The following C2CD3 variants were observed in gnomAD, a reference collection of about 807,000 sequenced individuals.
The protein encoded by C2CD3 is C2 domain containing 3 centriole elongation regulator.
A neutral mutation model predicts 234.0 loss-of-function variants in C2CD3; 148 were observed. The ratio of observed to expected loss-of-function variants is 0.63; its 90% confidence interval spans 0.55 to 0.72. The LOEUF is 0.72. Ranked by LOEUF, C2CD3 falls within the 30% of genes least tolerant of loss-of-function variation. The pLI, the probability that C2CD3 is intolerant of heterozygous loss-of-function variation, is 0.00. For synonymous variants in C2CD3, 1,000 were observed against 1,035.4 expected (o/e 0.97, Z 0.66); for missense variants, 2,577 against 2,811.5 (o/e 0.92, Z 1.89).
intron 3 of C2CD3, among the ~76,000 whole-genome samples, chr11:74,147,451 A>C (rs967273019): frequency 2.6e-5 from 4 of 152,120 alleles, no homozygotes; most frequent in Admixed American, 6.6e-5. Flanking sequence ...CAACGACAAC[A>C]CCCCTGAAAA....
chr11:74,101,362 G>T (rs1956309416), intron 14 of C2CD3, among the ~76,000 whole-genome samples: 1 of 152,134 alleles, frequency 6.6e-6, no homozygotes, highest in Non-Finnish European at 1.5e-5. Context: ...AACAGTAGAA[G>T]GTCAATAAGC....
At chr11:74,119,009 A>C (rs1316785569) in intron 8 of C2CD3, among the ~76,000 whole-genome samples, 1 of 149,954 alleles carries the variant, frequency 6.7e-6, no homozygotes, top group Non-Finnish European at 1.5e-5. Context: ...CCTGGGGCTC[A>C]TGTGATCCTC....
chr11:74,161,969 CCA>C (rs1349992022), intron 2 of C2CD3, among the ~76,000 whole-genome samples: 2 of 152,002 alleles, frequency 1.3e-5, no homozygotes, highest in Non-Finnish European at 2.9e-5. Flanking sequence ...GCACACGCCA[CCA>C]CACTGGGGTA....
rs1369144994 is a variant in C2CD3 at position 74,170,938 on chromosome 11, T to C, written c.-146A>G. 6.7e-6 allele frequency: 10 copies of C among 1,503,162 alleles called. No individual in the cohort carries two copies. Among genetic ancestry groups the C allele is most frequent in the East Asian group, 2.4e-5 (1 of 41,012 alleles). The allele number at this position is 1,503,162 out of a possible 1,614,324, so 93.1% of individuals were successfully genotyped here. A position where few individuals can be genotyped will look rare whatever the true frequency, so the allele number is the denominator to read the frequency against. On this transcript the variant is annotated 5_prime_UTR_variant, in exon 1 of 33. Transcript: ENST00000334126. ...GGAGGCAGGAAAAAGCGACTCTTCC[T>C]CTAACAGTCTCCGGAAAACGGTGCG...
At chr11:74,060,409 G>C (rs1250465704) in intron 24 of C2CD3, among the ~76,000 whole-genome samples, 3 of 152,194 alleles carry the variant, frequency 2.0e-5, no homozygotes, top group Admixed American at 6.5e-5. Context: ...GTTCCCCTTT[G>C]AGACGAAGCT....
intron 32 of C2CD3, among the ~76,000 whole-genome samples, chr11:74,025,954 G>C (rs1401896143): frequency 1.3e-5 from 2 of 152,164 alleles, no homozygotes; most frequent in Non-Finnish European, 2.9e-5. Flanking sequence ...TGATGGGTGT[G>C]TGTGGGAAAT....
In C2CD3 at chr11:74,074,233, G is replaced by A. The variant is rs553215799; in HGVS notation, c.4951+20C>T. On this transcript the variant is annotated intron_variant, in intron 24 of 32. Coordinates refer to ENST00000334126, the MANE Select transcript of C2CD3 (RefSeq NM_001286577.2). ...CCCTGAAGAGTTAGACATGCTCCTG[G>A]GTAGGTGAGGAGAGCATACCTTTCA... is the stretch of plus-strand genomic sequence containing the variant. The A allele has an allele frequency of 6.4e-7, 1 of 1,551,250 alleles. No individual in the cohort carries two copies. The highest frequency in any genetic ancestry group is 1.1e-5 in the South Asian group (1 of 87,412).
rs1253014392 is a variant in C2CD3 at position 74,034,480 on chromosome 11, GA to G, written c.5882-203del. 4 of 1,574,114 alleles carry G rather than the reference GA, an allele frequency of 2.5e-6. No homozygotes were observed. In the Admixed American group the frequency reaches 7.4e-5, roughly 29 times the overall value. ...ACTTTATTCTAATATCAGAGGACCA[GA>G]ATCTAATCTATAGTTGTGGATACAT... On this transcript the variant is annotated intron_variant, in intron 30 of 32. Coordinates refer to ENST00000334126, the MANE Select transcript of C2CD3 (RefSeq NM_001286577.2).
At chr11:74,086,153 C>G (rs536900126) in intron 20 of C2CD3, among the ~76,000 whole-genome samples, 87 of 152,264 alleles carry the variant, frequency 5.7e-4, no homozygotes, top group African/African-American at 1.8e-3. Flanking sequence ...GCTCTTAAGT[C>G]AAGGACCACA....
chr11:74,131,728 C>T (rs917882975), intron 7 of C2CD3, among the ~76,000 whole-genome samples: 11 of 151,922 alleles, frequency 7.2e-5, no homozygotes, highest in Admixed American at 1.3e-4. Context: ...TGCACCACCA[C>T]GCCTGGCTCA....
At chr11:74,095,565 C>G (rs532791049) in intron 16 of C2CD3, among the ~76,000 whole-genome samples, 157 bp from the exon 17 acceptor site, 13 of 152,330 alleles carry the variant, frequency 8.5e-5, no homozygotes, top group Non-Finnish European at 1.9e-4. Context: ...CACAACTACT[C>G]ACTGTAAGTA....
rs961625183 is a variant in C2CD3 at position 74,139,467 on chromosome 11, T to G, written c.707+138A>C. On this transcript the variant is annotated intron_variant, in intron 4 of 32. Transcript: ENST00000334126. Reference sequence around the variant, plus strand: ...AGTATCAAACCAGGACCAGAGTGGGTGCTTCACAGTTATCTGCTAAATGAG... The same window carrying G: ...AGTATCAAACCAGGACCAGAGTGGGGGCTTCACAGTTATCTGCTAAATGAG... The G allele has an allele frequency of 1.7e-5, 12 of 725,518 alleles. No homozygotes were observed. In the African/African-American group the frequency reaches 1.9e-4, roughly 12 times the overall value. 44.9% of individuals were successfully genotyped at this position (725,518 alleles called of 1,614,324 possible). A position where few individuals can be genotyped will look rare whatever the true frequency, so the allele number is the denominator to read the frequency against.
At chr11:74,024,711 T>TG (rs1952220561) in intron 32 of C2CD3, among the ~76,000 whole-genome samples, 1 of 152,240 alleles carries the variant, frequency 6.6e-6, no homozygotes. Flanking sequence ...TATCTCTACT[T>TG]GCTAGTGTCC....
At chr11:74,041,247 A>G (rs933228058) in intron 29 of C2CD3, among the ~76,000 whole-genome samples, 1 of 152,146 alleles carries the variant, frequency 6.6e-6, no homozygotes, top group African/African-American at 2.4e-5. Context: ...GACCTTCATG[A>G]TGTGACTCTT....
chr11:74,086,862 C>T (rs866650), intron 20 of C2CD3, among the ~76,000 whole-genome samples: 3 of 151,900 alleles, frequency 2.0e-5, no homozygotes, highest in Admixed American at 2.0e-4. Flanking sequence ...CTAAAGTAGA[C>T]TTCTGGGTTC....
At chr11:74,061,497 C>T (rs1427170078) in intron 24 of C2CD3, among the ~76,000 whole-genome samples, 1 of 152,194 alleles carries the variant, frequency 6.6e-6, no homozygotes, top group Non-Finnish European at 1.5e-5. Flanking sequence ...AAAGAATTTT[C>T]AACCCAGAAT....
At chr11:74,163,736 A>G (rs922135849) in intron 2 of C2CD3, among the ~76,000 whole-genome samples, 1 of 152,214 alleles carries the variant, frequency 6.6e-6, no homozygotes, top group Non-Finnish European at 1.5e-5. Context: ...ACCCAGTTTC[A>G]GGTATGTCTT....
intron 16 of C2CD3, 74 bp downstream of exon 16, chr11:74,097,935 T>G (rs1415725912): frequency 2.1e-6 from 3 of 1,441,730 alleles, no homozygotes; most frequent in African/African-American, 2.8e-5. Flanking sequence ...AATAAAGGAT[T>G]TGGGCAATAA....
chr11:74,024,044 T>G (rs566269624), intron 32 of C2CD3, among the ~76,000 whole-genome samples: 160 of 152,332 alleles, frequency 1.1e-3, no homozygotes, highest in African/African-American at 3.5e-3. Flanking sequence ...GATCTTTATG[T>G]TCCTCCTCCC....
Sources: allele counts gnomAD v4.1 joint callset (sites outside exome capture counted in the v4.1 genomes callset), GRCh38; gene constraint gnomAD v4.1.1; transcripts MANE v1.5; gene names NCBI Gene and HGNC (gene_info 2026-07-23, HGNC 2026-07-21).